The following CDK13 variants were observed in gnomAD, a reference collection of about 807,000 sequenced individuals.
CDK13 encodes the protein cyclin dependent kinase 13.
In CDK13, 40 loss-of-function variants were observed where a neutral mutation model predicts 137.6. The observed-to-expected ratio is 0.29, with a 90% confidence interval of 0.23 to 0.38. CDK13 has a LOEUF of 0.38. Ranked by LOEUF, CDK13 falls within the 10% of genes least tolerant of loss-of-function variation. The pLI, the probability that CDK13 is intolerant of heterozygous loss-of-function variation, is 1.00. For synonymous variants in CDK13, 869 were observed against 760.1 expected (o/e 1.14, Z -2.36); for missense variants, 1,704 against 1,951.8 (o/e 0.87, Z 2.39).
rs1787044096 is a variant in CDK13 at position 40,096,215 on chromosome 7, G to T, written c.*1235G>T. 3 of 152,030 alleles carry T rather than the reference G, an allele frequency of 2.0e-5. No individual in the cohort carries two copies. The highest frequency in any genetic ancestry group is 6.6e-5 in the Admixed American group (1 of 15,254). 9.4% of individuals were successfully genotyped at this position (152,030 alleles called of 1,614,324 possible). ...TATTCACTTGTTAACTAGAAACATT[G>T]CTTAGATTGAATTTATTGAAGCAAA... On this transcript the variant is annotated 3_prime_UTR_variant, in exon 14 of 14. Coordinates refer to ENST00000181839, the MANE Select transcript of CDK13 (RefSeq NM_003718.5).
At chr7:39,991,757 T>C (rs2116285213) in intron 2 of CDK13, among the ~76,000 whole-genome samples, 1 of 152,254 alleles carries the variant, frequency 6.6e-6, no homozygotes, top group Admixed American at 6.5e-5. Context: ...ATATGCTCCA[T>C]CTCAGCAGGT....
intron 5 of CDK13, among the ~76,000 whole-genome samples, chr7:40,027,583 A>G (rs1785270173): frequency 6.8e-6 from 1 of 148,130 alleles, no homozygotes. Context: ...CTACTTTGGG[A>G]GAGATATGGT....
At chr7:39,975,185 A>G (rs769792072) in intron 1 of CDK13, among the ~76,000 whole-genome samples, 7 of 152,078 alleles carry the variant, frequency 4.6e-5, no homozygotes, top group African/African-American at 1.7e-4. Context: ...AGGCCGAGGC[A>G]GGAGGGTCAC....
At chr7:40,073,660 C>G (rs936911043) in intron 9 of CDK13, 4 of 150,780 alleles carry the variant, frequency 2.7e-5, no homozygotes, top group African/African-American at 9.8e-5. Context: ...GGCGCAATCT[C>G]GGCTCACTGC....
Position 40,094,780 on chromosome 7 carries a change from C to T in CDK13, c.4339C>T (p.Pro1447Ser), listed in dbSNP as rs748666135. Reference protein sequence around the residue: ...LANSSDPSTGPESTHPLPAKM... With the variant: ...LANSSDPSTGSESTHPLPAKM... ...AAACAGCAGTGACCCTTCCACGGGG[C>T]CAGAGAGTACTCATCCTTTGCCAGC... The change falls in exon 14 of 14, where the codon CCA (proline) becomes TCA (serine). Residue 1447 changes from proline (P) to serine (S), a missense_variant. Around this residue, in one of 5 missense-constraint regions of CDK13, gnomAD observed 475 missense variants for 579.3 expected, o/e 0.82. Transcript: ENST00000181839. The T allele has an allele frequency of 6.8e-6, 11 of 1,607,292 alleles. No individual in the cohort carries two copies. In the South Asian group the frequency reaches 1.2e-4, roughly 18 times the overall value.
chr7:40,000,412 G>A (rs1258832959), intron 4 of CDK13, among the ~76,000 whole-genome samples: 1 of 151,982 alleles, frequency 6.6e-6, no homozygotes, highest in African/African-American at 2.4e-5. Context: ...GTGTGGTGGT[G>A]GGCACCTATA....
chr7:40,075,594 T>C (rs913971985), intron 9 of CDK13, among the ~76,000 whole-genome samples: 5 of 152,086 alleles, frequency 3.3e-5, no homozygotes, highest in Non-Finnish European at 5.9e-5. Context: ...AAAATTAATC[T>C]TAAGTTTCCA....
In CDK13 at chr7:39,950,998, G is replaced by C. The variant is rs1450928202; in HGVS notation, c.357G>C (p.Arg119=). ...CCGGGCAGGAGGCGGAGAAGCGTCG[G>C]GTCTTCTCGCTGCCCCAGCCGCAGC... is the stretch of plus-strand genomic sequence containing the variant. The part of the protein sequence containing the change: ...PRAGQEAEKR[R]VFSLPQPQQD... The change falls in exon 1 of 14, where the codon CGG becomes CGC. Residue 119 remains arginine, a synonymous_variant. Transcript: ENST00000181839. 1 of 1,308,064 alleles carries C rather than the reference G, an allele frequency of 7.6e-7. No individual in the cohort carries two copies. The highest frequency in any genetic ancestry group is 1.5e-5 in the African/African-American group (1 of 64,798). The allele number at this position is 1,308,064 out of a possible 1,614,324, so 81.0% of individuals were successfully genotyped here. A position where few individuals can be genotyped will look rare whatever the true frequency, so the allele number is the denominator to read the frequency against.
rs763795317 is a variant in CDK13 at position 40,098,923 on chromosome 7, A to G, written c.*3943A>G. The G allele has an allele frequency of 1.9e-4, 29 of 152,144 alleles. No homozygotes were observed. Among genetic ancestry groups the G allele is most frequent in the Admixed American group, 1.1e-3 (17 of 15,258 alleles). The allele number at this position is 152,144 out of a possible 1,614,324, so 9.4% of individuals were successfully genotyped here. A position where few individuals can be genotyped will look rare whatever the true frequency, so the allele number is the denominator to read the frequency against. ...AGCCTGAAGGGGCTGTTTGTTTCAT[A>G]TATGGATAATCTTTGAAAAGGCAAG... On this transcript the variant is annotated 3_prime_UTR_variant, in exon 14 of 14. Coordinates refer to ENST00000181839, the MANE Select transcript of CDK13 (RefSeq NM_003718.5).
At chr7:39,987,547 C>A in intron 1 of CDK13, 52 bp from the exon 2 acceptor site, 1 of 1,415,264 alleles carries the variant, frequency 7.1e-7, no homozygotes, top group South Asian at 1.6e-5. Flanking sequence ...TTTGTAAATT[C>A]CAAACTGAAC....
chr7:40,031,994 A>G (rs988088721), intron 5 of CDK13, among the ~76,000 whole-genome samples: 1 of 151,842 alleles, frequency 6.6e-6, no homozygotes, highest in African/African-American at 2.4e-5. Flanking sequence ...GTGGATACCA[A>G]TCTCCCAGTC....
At position 40,063,048 on chromosome 7, in the gene CDK13, A is replaced by G; in HGVS notation, c.2728A>G (p.Lys910Glu). The change falls in exon 9 of 14, where the codon AAA (lysine) becomes GAA (glutamate). Residue 910 changes from lysine (K) to glutamate (E), a missense_variant. By Grantham distance (56) the Lys-to-Glu change is moderately conservative (BLOSUM62 1). This residue lies in a region of CDK13 where 130 missense variants were observed against 362.4 expected (regional missense o/e 0.36). Transcript: ENST00000181839. ...CTGTATCCTTGGCGAACTCTTCACT[A>G]AAAAACCTATATTTCAAGCAAATCA... ...CGCILGELFTKKPIFQANQEL... is the reference protein window; with the variant it reads ...CGCILGELFTEKPIFQANQEL... 1 of 1,613,652 alleles carries G rather than the reference A, an allele frequency of 6.2e-7. No individual in the cohort carries two copies. The highest frequency in any genetic ancestry group is 8.5e-7 in the Non-Finnish European group (1 of 1,179,576).
chr7:40,044,421 C>T (rs1785687095), intron 5 of CDK13, among the ~76,000 whole-genome samples: 1 of 151,572 alleles, frequency 6.6e-6, no homozygotes, highest in Non-Finnish European at 1.5e-5. Flanking sequence ...TGGGCTCAAG[C>T]CATCCTCCTA....
intron 5 of CDK13, among the ~76,000 whole-genome samples, chr7:40,013,693 T>G (rs553354998): frequency 2.0e-5 from 3 of 152,174 alleles, no homozygotes; most frequent in Non-Finnish European, 2.9e-5. Context: ...ATTGTAGTGA[T>G]GATGGTTGCA....
rs1401524076 is a variant in CDK13, at chr7:40,096,969, G to C, written c.*1989G>C. On this transcript the variant is annotated 3_prime_UTR_variant, in exon 14 of 14. Transcript: ENST00000181839. ...CAAGTATCTGAAATTTTAATATGGT[G>C]AGTCTTAGAGCTTTAGACTTTCCTA... 6.6e-6 allele frequency: 1 copy of C among 152,066 alleles called. No homozygotes were observed. Among genetic ancestry groups the C allele is most frequent in the Non-Finnish European group, 1.5e-5 (1 of 67,950 alleles). The allele number at this position is 152,066 out of a possible 1,614,324, so 9.4% of individuals were successfully genotyped here.
At chr7:40,089,717 AGAGAGAGTGT>A (rs1413259588) in intron 12 of CDK13, among the ~76,000 whole-genome samples, 6 of 143,076 alleles carry the variant, frequency 4.2e-5, no homozygotes, top group African/African-American at 1.4e-4. Flanking sequence ...AGAGAGAGAG[AGAGAGAGTGT>A]GTGTGTGTGT....
chr7:39,955,545 A>G (rs543292659), intron 1 of CDK13, among the ~76,000 whole-genome samples: 75 of 152,168 alleles, frequency 4.9e-4, no homozygotes, highest in African/African-American at 1.7e-3. Context: ...GCCACCTCAC[A>G]TAATGACCTG....
At chr7:40,093,347 G>A in intron 13 of CDK13, 110 bp downstream of exon 13, 1 of 891,526 alleles carries the variant, frequency 1.1e-6, no homozygotes, top group Non-Finnish European at 1.7e-6. Flanking sequence ...AAGATGTCCT[G>A]AAGAATCTCA....
At chr7:39,954,995 T>C (rs993764135) in intron 1 of CDK13, among the ~76,000 whole-genome samples, 1 of 152,226 alleles carries the variant, frequency 6.6e-6, no homozygotes, top group Non-Finnish European at 1.5e-5. Context: ...TTGTTCTTTG[T>C]CTTCATTTGA....
Sources: allele counts gnomAD v4.1 joint callset (sites outside exome capture counted in the v4.1 genomes callset), GRCh38; gene constraint gnomAD v4.1.1; regional missense constraint gnomAD v4.1.1; transcripts MANE v1.5; gene names NCBI Gene and HGNC (gene_info 2026-07-23, HGNC 2026-07-21).